PHACTR1: variants seen among roughly 807,000 people sequenced by gnomAD.
PHACTR1 encodes the protein phosphatase and actin regulator 1.
A neutral mutation model predicts 69.2 loss-of-function variants in PHACTR1; 16 were observed. That is an observed-to-expected ratio of 0.23 (90% confidence interval 0.16 to 0.35). The LOEUF (loss-of-function observed/expected upper bound fraction) is 0.35. Among genes scored for constraint, PHACTR1 ranks in the 10% least tolerant of loss-of-function variants. The pLI, the probability that PHACTR1 is intolerant of heterozygous loss-of-function variation, is 1.00. For missense variants in PHACTR1, 510 were observed against 734.7 expected, an observed-to-expected ratio of 0.69 and a Z score of 3.54; for synonymous variants, 312 against 284.5, an observed-to-expected ratio of 1.10 and a Z score of -0.97.
intron 4 of PHACTR1, among the ~76,000 whole-genome samples, chr6:12,991,364 A>G (rs1271580380): frequency 6.6e-6 from 1 of 152,170 alleles, no homozygotes; most frequent in Non-Finnish European, 1.5e-5. Context: ...TTGTGTCTCC[A>G]CAGGACTGCC....
At chr6:12,957,630 G>C (rs61461836) in intron 4 of PHACTR1, 44 of 985,552 alleles carry the variant, frequency 4.5e-5, no homozygotes, top group Non-Finnish European at 4.8e-5. Context: ...GGAGGGGTTG[G>C]TGTGCCTGCC....
At chr6:13,093,988 C>G (rs1312831284) in intron 5 of PHACTR1, among the ~76,000 whole-genome samples, 1 of 152,182 alleles carries the variant, frequency 6.6e-6, no homozygotes, top group Non-Finnish European at 1.5e-5. Flanking sequence ...TCTCCCTCCT[C>G]AGGCTCCCAA....
At chr6:13,091,713 G>T (rs1417184593) in intron 5 of PHACTR1, among the ~76,000 whole-genome samples, 3 of 152,156 alleles carry the variant, frequency 2.0e-5, no homozygotes, top group Non-Finnish European at 4.4e-5. Context: ...TGGTGGTAAT[G>T]GGAGACAGTG....
chr6:13,229,493 C>A (rs1770437754), intron 9 of PHACTR1, among the ~76,000 whole-genome samples: 1 of 152,156 alleles, frequency 6.6e-6, no homozygotes, highest in South Asian at 2.1e-4. Context: ...CACTCCCACC[C>A]CCAACCAGCC....
At chr6:12,906,828 C>G (rs1339663169) in intron 4 of PHACTR1, among the ~76,000 whole-genome samples, 1 of 152,168 alleles carries the variant, frequency 6.6e-6, no homozygotes, top group East Asian at 1.9e-4. Flanking sequence ...CACGTGTCCA[C>G]TCTGGATCAA....
chr6:12,756,767 A>G (rs1036059373), intron 4 of PHACTR1, among the ~76,000 whole-genome samples: 1 of 152,214 alleles, frequency 6.6e-6, no homozygotes, highest in Non-Finnish European at 1.5e-5. Flanking sequence ...AACTTTATCA[A>G]TATGTTCATT....
chr6:13,147,216 T>C (rs1561899515), intron 5 of PHACTR1, among the ~76,000 whole-genome samples: 1 of 152,226 alleles, frequency 6.6e-6, no homozygotes, highest in Non-Finnish European at 1.5e-5. Context: ...TTTCTCATAA[T>C]TCTCAGAAAA....
At chr6:12,896,842 G>T (rs1046470896) in intron 4 of PHACTR1, among the ~76,000 whole-genome samples, 3 of 152,064 alleles carry the variant, frequency 2.0e-5, no homozygotes, top group East Asian at 3.9e-4. Flanking sequence ...TTTTTTGGAG[G>T]GTCAGTGGGT....
At chr6:12,816,454 T>G (rs560184704) in intron 4 of PHACTR1, among the ~76,000 whole-genome samples, 1 of 152,280 alleles carries the variant, frequency 6.6e-6, no homozygotes, top group South Asian at 2.1e-4. Flanking sequence ...TCTGATTAGG[T>G]TTGCTCCCTA....
At chr6:13,116,688 A>G (rs1489740181) in intron 5 of PHACTR1, among the ~76,000 whole-genome samples, 2 of 152,206 alleles carry the variant, frequency 1.3e-5, no homozygotes, top group African/African-American at 4.8e-5. Flanking sequence ...TAAGTGTGTA[A>G]TATTTTGCAA....
At chr6:12,937,447 C>T (rs1002914170) in intron 4 of PHACTR1, among the ~76,000 whole-genome samples, 2 of 152,002 alleles carry the variant, frequency 1.3e-5, no homozygotes, top group African/African-American at 4.8e-5. Flanking sequence ...CTCCTGGGTT[C>T]AAGCAATTCT....
intron 4 of PHACTR1, among the ~76,000 whole-genome samples, chr6:12,869,667 T>G (rs1781827961): frequency 6.6e-6 from 1 of 152,232 alleles, no homozygotes; most frequent in Non-Finnish European, 1.5e-5. Context: ...ACGTTCACTC[T>G]GCCTGAATGT....
At chr6:13,150,466 G>A (rs1232810825) in intron 5 of PHACTR1, among the ~76,000 whole-genome samples, 1 of 152,150 alleles carries the variant, frequency 6.6e-6, no homozygotes, top group Non-Finnish European at 1.5e-5. Flanking sequence ...CTGGCAAAAT[G>A]TTTAGATATT....
At chr6:12,798,090 G>C (rs1453906262) in intron 4 of PHACTR1, among the ~76,000 whole-genome samples, 1 of 81,118 alleles carries the variant, frequency 1.2e-5, no homozygotes, top group Non-Finnish European at 2.4e-5. Context: ...GCTCTATAAG[G>C]GGAGGGACTT....
At chr6:12,897,389 T>A (rs1784767965) in intron 4 of PHACTR1, among the ~76,000 whole-genome samples, 1 of 152,118 alleles carries the variant, frequency 6.6e-6, no homozygotes, top group Non-Finnish European at 1.5e-5. Context: ...TCCTGCCTCT[T>A]TTGGGGACCT....
chr6:12,898,008 TC>T (rs1203865344), intron 4 of PHACTR1, among the ~76,000 whole-genome samples: 7 of 152,130 alleles, frequency 4.6e-5, no homozygotes, highest in Non-Finnish European at 8.8e-5. Context: ...AATAATGGTT[TC>T]CAGCTTCATC....
intron 4 of PHACTR1, among the ~76,000 whole-genome samples, chr6:12,904,594 C>G (rs1029576698): frequency 1.3e-5 from 2 of 151,914 alleles, no homozygotes; most frequent in Admixed American, 6.6e-5. Context: ...GTTTACTTGC[C>G]GTAAGAATCA....
Position 12,795,147 on chromosome 6 carries a change from G to A in PHACTR1, c.250+45357G>A, listed in dbSNP as rs565790320. ...GTGATGCTCATGCCACTGATCCATG[G>A]ACCACACACTTAGAGTAGCAAGGAT... is the stretch of plus-strand genomic sequence containing the variant. On this transcript the variant is annotated intron_variant, in intron 4 of 14. Coordinates refer to ENST00000332995, the MANE Select transcript of PHACTR1 (RefSeq NM_030948.6). Among the ~76,000 whole-genome samples the A allele has an allele frequency of 3.3e-5, 5 of 152,162 alleles. No homozygotes were observed. The South Asian group carries it at 8.3e-4, about 25-fold the overall frequency.
At chr6:13,076,253 A>G (rs891732400) in intron 5 of PHACTR1, among the ~76,000 whole-genome samples, 3 of 152,212 alleles carry the variant, frequency 2.0e-5, no homozygotes, top group Non-Finnish European at 2.9e-5. Context: ...GGGCTGCAAG[A>G]TAAGTGATTA....
Sources: gnomAD v4.1 joint callset for allele counts (sites outside exome capture counted in the v4.1 genomes callset) on GRCh38, gnomAD v4.1.1 for gene constraint, MANE v1.5 for transcripts, NCBI Gene and HGNC (gene_info 2026-07-23, HGNC 2026-07-21) for gene names.